RARB: variants seen among roughly 807,000 people sequenced by gnomAD.
RARB encodes retinoic acid receptor beta, also known as HBV-activated protein.
Under a neutral mutation model 51.9 loss-of-function variants are expected in RARB, and 17 were observed. That is an observed-to-expected ratio of 0.33 (90% CI 0.22 to 0.49). The LOEUF is 0.49. Among genes scored for constraint, RARB ranks in the 20% least tolerant of loss-of-function variants. RARB has a pLI of 0.99. For missense variants in RARB, 369 were observed against 550.8 expected, an observed-to-expected ratio of 0.67 and a Z score of 3.30; for synonymous variants, 215 against 195.4, an observed-to-expected ratio of 1.10 and a Z score of -0.84.
intron 5 of RARB, among the ~76,000 whole-genome samples, chr3:25,207,209 T>A (rs990104330): frequency 6.6e-6 from 1 of 152,200 alleles, no homozygotes; most frequent in Non-Finnish European, 1.5e-5. Flanking sequence ...CCTGGAGATA[T>A]AGTTCCAACT....
intron 5 of RARB, among the ~76,000 whole-genome samples, chr3:25,336,942 G>A (rs886544081): frequency 4.6e-5 from 7 of 152,188 alleles, no homozygotes; most frequent in African/African-American, 1.7e-4. Context: ...GGACAAGGAA[G>A]TAAATGAAGC....
At chr3:25,252,886 G>A (rs1289765673) in intron 5 of RARB, among the ~76,000 whole-genome samples, 1 of 152,058 alleles carries the variant, frequency 6.6e-6, no homozygotes, top group East Asian at 1.9e-4. Flanking sequence ...CTGGCACCGT[G>A]GCTTTTACTT....
intron 2 of RARB, among the ~76,000 whole-genome samples, chr3:25,015,752 C>G (rs1436405918): frequency 6.6e-6 from 1 of 152,132 alleles, no homozygotes; most frequent in Non-Finnish European, 1.5e-5. Context: ...AGATTTAGTG[C>G]TTTTAGACTA....
chr3:25,479,983 T>C (rs377592194), intron 2 of RARB, among the ~76,000 whole-genome samples: 1 of 152,228 alleles, frequency 6.6e-6, no homozygotes, highest in Admixed American at 6.5e-5. Context: ...AACTTGGTTA[T>C]ATTTGTTTGG....
At chr3:25,010,219 A>G (rs916170202) in intron 2 of RARB, among the ~76,000 whole-genome samples, 8 of 152,086 alleles carry the variant, frequency 5.3e-5, no homozygotes. Context: ...CAGATTTTGT[A>G]TCTTAAATGT....
intron 2 of RARB, among the ~76,000 whole-genome samples, chr3:24,950,097 A>G (rs1262642812): frequency 2.6e-5 from 4 of 152,220 alleles, no homozygotes; most frequent in Non-Finnish European, 5.9e-5. Context: ...AAGCCTAATC[A>G]CTTGAATCAC....
At chr3:25,335,010 G>T (rs1575321101) in intron 5 of RARB, among the ~76,000 whole-genome samples, 1 of 152,172 alleles carries the variant, frequency 6.6e-6, no homozygotes. Flanking sequence ...AGAGACAGAG[G>T]TTAGAGGAGT....
In RARB at chr3:25,549,869, ACTACTAAAG is replaced by A. The variant is rs534411516; in HGVS notation, c.449-19884_449-19876del. 1.4e-4 allele frequency among the ~76,000 whole-genome samples: 21 copies of A among 151,998 alleles called. No homozygotes were observed. The South Asian group carries it at 2.1e-3, about 15-fold the overall frequency. The stretch of plus-strand genomic sequence containing the variant: ...CAGATAATTTGCCAAAATTTACACA[ACTACTAAAG>A]CTACACAGTCAAGATGTAAGCCCAG... On this transcript the variant is annotated intron_variant, in intron 3 of 7. Coordinates refer to ENST00000330688, the MANE Select transcript of RARB (RefSeq NM_000965.5).
intron 5 of RARB, among the ~76,000 whole-genome samples, chr3:25,418,708 A>G (rs893931644): frequency 6.6e-6 from 1 of 152,162 alleles, no homozygotes; most frequent in African/African-American, 2.4e-5. Context: ...TCCACTGAGG[A>G]CAAGTAGGGA....
intron 3 of RARB, among the ~76,000 whole-genome samples, chr3:25,562,247 T>C (rs1342436719): frequency 2.0e-5 from 3 of 151,112 alleles, no homozygotes; most frequent in Non-Finnish European, 4.4e-5. Context: ...TTTTTTTTTT[T>C]CTAGATCAGA....
rs529004756 is a variant in RARB, at chr3:25,370,381, A to C, written c.179-90812A>C. Among the ~76,000 whole-genome samples, 16 of 152,338 alleles carry C rather than the reference A, an allele frequency of 1.1e-4. No individual in the cohort carries two copies. In the South Asian group the frequency reaches 3.3e-3, roughly 32 times the overall value. ...ATTCCATAAGGAAGTAACTGGTACCATAAGGGTAGCAAGGTGCTTACACAA... is the reference window on the plus strand; with the variant it reads ...ATTCCATAAGGAAGTAACTGGTACCCTAAGGGTAGCAAGGTGCTTACACAA... On this transcript the variant is annotated intron_variant, in intron 5 of 11. Coordinates refer to the RARB transcript ENST00000383772.
At position 24,861,876 on chromosome 3, in the gene RARB, A is replaced by G. The variant is rs561196134; in HGVS notation, c.-380+3124A>G. Among the ~76,000 whole-genome samples, 28 of 152,326 alleles carry G rather than the reference A, an allele frequency of 1.8e-4. No individual in the cohort carries two copies. In the South Asian group the frequency reaches 5.6e-3, roughly 30 times the overall value. The stretch of plus-strand genomic sequence containing the variant: ...TGTTGGATGCCCTGCAGGGACCACC[A>G]GGGCTCCCTGGATCACAGTTTAAGA... On this transcript the variant is annotated intron_variant, in intron 2 of 11. Transcript: ENST00000383772.
At chr3:25,186,330 T>G (rs1012222490) in intron 5 of RARB, among the ~76,000 whole-genome samples, 1 of 151,618 alleles carries the variant, frequency 6.6e-6, no homozygotes, top group Non-Finnish European at 1.5e-5. Flanking sequence ...TCAGATACTT[T>G]GAAACACACG....
intron 5 of RARB, among the ~76,000 whole-genome samples, chr3:25,247,436 G>A (rs778192839): frequency 5.9e-5 from 9 of 152,276 alleles, no homozygotes; most frequent in South Asian, 2.1e-4. Flanking sequence ...CTTGAAACTC[G>A]GGGCCCATGT....
At chr3:25,435,320 T>C (rs1341479966) in intron 1 of RARB, among the ~76,000 whole-genome samples, 1 of 152,218 alleles carries the variant, frequency 6.6e-6, no homozygotes, top group East Asian at 1.9e-4. Flanking sequence ...ATCGGTTAAC[T>C]AGGGAGAGAA....
chr3:25,257,410 G>A (rs1702892869), intron 5 of RARB, among the ~76,000 whole-genome samples: 2 of 152,166 alleles, frequency 1.3e-5, no homozygotes, highest in South Asian at 4.1e-4. Flanking sequence ...GATACTCATA[G>A]AGATGTAATA....
At chr3:25,110,829 C>T (rs889604628) in intron 3 of RARB, among the ~76,000 whole-genome samples, 1 of 152,106 alleles carries the variant, frequency 6.6e-6, no homozygotes. Context: ...TAGCTTTGCC[C>T]CAGGTATCAA....
chr3:25,405,665 T>TA (rs1418269839), intron 5 of RARB, among the ~76,000 whole-genome samples: 2 of 152,170 alleles, frequency 1.3e-5, no homozygotes, highest in Admixed American at 1.3e-4. Context: ...TGAAATGAAA[T>TA]AAAAAATTCT....
intron 2 of RARB, among the ~76,000 whole-genome samples, chr3:24,889,485 A>G (rs1703334137): frequency 6.6e-6 from 1 of 152,212 alleles, no homozygotes; most frequent in African/African-American, 2.4e-5. Flanking sequence ...AAGGCAAACC[A>G]TAATTTTATT....
Sources: gnomAD v4.1 joint callset for allele counts (sites outside exome capture counted in the v4.1 genomes callset) on GRCh38, gnomAD v4.1.1 for gene constraint, MANE v1.5 for transcripts, NCBI Gene and HGNC (gene_info 2026-07-23, HGNC 2026-07-21) for gene names.